FHIT: variants seen among roughly 807,000 people sequenced by gnomAD.
FHIT encodes the protein bis(5'-adenosyl)-triphosphatase.
FHIT carries 19 observed loss-of-function variants against 17.9 expected under a neutral mutation model. The observed-to-expected ratio is 1.06, with a 90% CI of 0.74 to 1.56. The LOEUF is 1.56. Ranked by LOEUF, FHIT falls within the 40% of genes most tolerant of loss-of-function variation. FHIT has a pLI of 0.00. For missense variants in FHIT, 248 were observed against 189.2 expected (o/e 1.31, Z -1.82); for synonymous variants, 81 against 69.7 (o/e 1.16, Z -0.81).
intron 5 of FHIT, among the ~76,000 whole-genome samples, chr3:60,397,073 A>G (rs1250366110): frequency 6.6e-6 from 1 of 152,224 alleles, no homozygotes; most frequent in African/African-American, 2.4e-5. Flanking sequence ...CCACTGATGT[A>G]AACTACATAG....
At chr3:60,773,879 A>C (rs1338300401) in intron 4 of FHIT, among the ~76,000 whole-genome samples, 1 of 152,188 alleles carries the variant, frequency 6.6e-6, no homozygotes, top group Non-Finnish European at 1.5e-5. Context: ...CTGGACCATC[A>C]TTTTGCCTTT....
chr3:60,375,280 A>G (rs1191879969), intron 5 of FHIT, among the ~76,000 whole-genome samples: 1 of 152,034 alleles, frequency 6.6e-6, no homozygotes, highest in Non-Finnish European at 1.5e-5. Flanking sequence ...TCAATATTGA[A>G]AGTATAGCCT....
intron 1 of FHIT, among the ~76,000 whole-genome samples, chr3:61,203,052 C>T (rs559257256): frequency 2.7e-4 from 41 of 152,086 alleles, no homozygotes; most frequent in African/African-American, 8.9e-4. Context: ...TGGTACCAGG[C>T]GCCTGTAGTC....
intron 8 of FHIT, among the ~76,000 whole-genome samples, chr3:59,805,695 T>G (rs1049983119): frequency 1.3e-5 from 2 of 152,226 alleles, no homozygotes; most frequent in African/African-American, 2.4e-5. Context: ...CTCTAAGAAC[T>G]AGGTTCAGTT....
At chr3:60,677,600 G>A (rs1432878825) in intron 4 of FHIT, among the ~76,000 whole-genome samples, 1 of 149,890 alleles carries the variant, frequency 6.7e-6, no homozygotes, top group Non-Finnish European at 1.5e-5. Context: ...CATGTGGTGT[G>A]TGTGTATATA....
At chr3:60,560,504 G>A (rs555801362) in intron 4 of FHIT, among the ~76,000 whole-genome samples, 7 of 152,124 alleles carry the variant, frequency 4.6e-5, no homozygotes, top group African/African-American at 1.4e-4. Flanking sequence ...AATTTTAAAC[G>A]GCTTGGTTCA....
intron 4 of FHIT, among the ~76,000 whole-genome samples, chr3:60,748,394 C>T (rs2042400093): frequency 1.3e-5 from 2 of 152,138 alleles, no homozygotes; most frequent in Admixed American, 1.3e-4. Context: ...ACAGTCTTGC[C>T]TGGGTATCCA....
At chr3:60,171,904 G>A (rs532097569) in intron 5 of FHIT, among the ~76,000 whole-genome samples, 13 of 151,822 alleles carry the variant, frequency 8.6e-5, no homozygotes, top group Non-Finnish European at 1.5e-4. Flanking sequence ...TCACTATGTT[G>A]CCCAGATTTG....
chr3:60,705,444 A>T (rs1351444361), intron 4 of FHIT, among the ~76,000 whole-genome samples: 2 of 152,208 alleles, frequency 1.3e-5, no homozygotes, highest in Non-Finnish European at 2.9e-5. Flanking sequence ...AAATAAGACA[A>T]GAAAGAGAAA....
chr3:60,903,280 A>G (rs2107232726), intron 3 of FHIT, among the ~76,000 whole-genome samples: 1 of 152,352 alleles, frequency 6.6e-6, no homozygotes, highest in South Asian at 2.1e-4. Flanking sequence ...AATTGTAACT[A>G]GAGGTATTTC....
At chr3:61,066,957 C>A (rs1325901737) in intron 2 of FHIT, among the ~76,000 whole-genome samples, 1 of 152,190 alleles carries the variant, frequency 6.6e-6, no homozygotes, top group Admixed American at 6.5e-5. Context: ...CTGTGGCAAC[C>A]CACCAATTGG....
intron 4 of FHIT, among the ~76,000 whole-genome samples, chr3:60,678,023 A>T (rs555393285): frequency 1.3e-5 from 2 of 151,882 alleles, no homozygotes; most frequent in African/African-American, 4.8e-5. Flanking sequence ...CTTCTTTTTC[A>T]TTTCTGACTT....
intron 5 of FHIT, among the ~76,000 whole-genome samples, chr3:60,293,580 T>C (rs1355362838): frequency 6.6e-6 from 1 of 152,118 alleles, no homozygotes; most frequent in African/African-American, 2.4e-5. Flanking sequence ...TTCCACAGTA[T>C]TATAGGGCAT....
rs554329870 is a variant in FHIT at position 61,179,259 on chromosome 3, C to T, written c.-164+21358G>A. On this transcript the variant is annotated intron_variant, in intron 2 of 9. Transcript: ENST00000492590. ...CCCTAACCTCGTTATCTGCCCACCT[C>T]GGCCTCCCGAAGTGCTGGGATTACA... Among the ~76,000 whole-genome samples the T allele has an allele frequency of 1.9e-3, 287 of 152,130 alleles. 4 individuals carry two copies. Among genetic ancestry groups the T allele is most frequent in the African/African-American group, 6.7e-3 (278 of 41,494 alleles).
chr3:61,154,121 C>T (rs997345170), intron 2 of FHIT, among the ~76,000 whole-genome samples: 1 of 152,256 alleles, frequency 6.6e-6, no homozygotes, highest in African/African-American at 2.4e-5. Flanking sequence ...AAATTAAATA[C>T]AGTATATTTT....
chr3:60,209,634 T>G (rs1703358666), intron 5 of FHIT, among the ~76,000 whole-genome samples: 1 of 152,068 alleles, frequency 6.6e-6, no homozygotes, highest in Admixed American at 6.6e-5. Context: ...ACAAGGAAAG[T>G]GAGTGAAAAA....
intron 3 of FHIT, among the ~76,000 whole-genome samples, chr3:60,896,009 G>A (rs957010865): frequency 2.6e-5 from 4 of 151,836 alleles, no homozygotes; most frequent in Admixed American, 6.6e-5. Context: ...GGTGAGCAGC[G>A]GGCAGGGGAA....
chr3:60,367,457 G>A (rs1247588771), intron 5 of FHIT, among the ~76,000 whole-genome samples: 1 of 152,148 alleles, frequency 6.6e-6, no homozygotes, highest in Admixed American at 6.5e-5. Flanking sequence ...TTCTAAAGAT[G>A]TTGGAAAGTC....
intron 5 of FHIT, among the ~76,000 whole-genome samples, chr3:60,070,560 G>A (rs1702721957): frequency 1.3e-5 from 2 of 151,262 alleles, no homozygotes; most frequent in South Asian, 4.2e-4. Context: ...CCCCTGCTGG[G>A]TAGATTAGGG....
Sources: gnomAD v4.1 joint callset for allele counts (sites outside exome capture counted in the v4.1 genomes callset) on GRCh38, gnomAD v4.1.1 for gene constraint, MANE v1.5 for transcripts, NCBI Gene and HGNC (gene_info 2026-07-23, HGNC 2026-07-21) for gene names.